The following CPEB3 variants were observed in gnomAD, a reference collection of about 807,000 sequenced individuals.
CPEB3 encodes cytoplasmic polyadenylation element-binding protein 3.
Under a neutral mutation model 67.2 loss-of-function variants are expected in CPEB3, and 20 were observed. That is an observed-to-expected ratio of 0.30 (90% CI 0.21 to 0.43). CPEB3 has a LOEUF of 0.43. Among genes scored for constraint, CPEB3 ranks in the 20% least tolerant of loss-of-function variants. The probability of loss-of-function intolerance (pLI) is 1.00; values close to 1 mark genes in which losing one functional copy is unlikely to be tolerated. For missense variants in CPEB3, 746 were observed against 968.6 expected (o/e 0.77, Z 3.05); for synonymous variants, 376 against 393.1 (o/e 0.96, Z 0.51).
At chr10:92,070,737 A>G (rs1842719289) in intron 9 of CPEB3, among the ~76,000 whole-genome samples, 1 of 152,066 alleles carries the variant, frequency 6.6e-6, no homozygotes. Context: ...AGATTGTGCC[A>G]CTGTACTCCA....
In CPEB3 at chr10:92,259,319, T is replaced by C. The variant is rs1176885543; in HGVS notation, c.-11-18958A>G. Among the ~76,000 whole-genome samples the C allele has an allele frequency of 6.0e-5, 9 of 150,226 alleles. No individual in the cohort carries two copies. In the East Asian group the frequency reaches 1.9e-3, roughly 31 times the overall value. On this transcript the variant is annotated intron_variant, in intron 1 of 9. Transcript: ENST00000265997. ...CCCTACCTCCTAACAATATCATCTA[T>C]GGCCGGGTGCGATGGCTCATGCCTG...
At chr10:92,098,805 T>C in intron 7 of CPEB3, among the ~76,000 whole-genome samples, 1 of 145,372 alleles carries the variant, frequency 6.9e-6, no homozygotes. Context: ...GGAGTCTGGC[T>C]CTGTCAAGCA....
chr10:92,182,661 A>G (rs986662509), intron 3 of CPEB3, among the ~76,000 whole-genome samples: 1 of 152,088 alleles, frequency 6.6e-6, no homozygotes, highest in Non-Finnish European at 1.5e-5. Context: ...CCCCATCTCT[A>G]CTAAAAATAC....
In CPEB3 at chr10:92,239,826, C is replaced by A. The variant is rs1027812744; in HGVS notation, c.525G>T (p.Pro175=). 8 of 1,471,474 alleles carry A rather than the reference C, an allele frequency of 5.4e-6. No individual in the cohort carries two copies. Among genetic ancestry groups the A allele is most frequent in the Non-Finnish European group, 7.2e-6 (8 of 1,112,006 alleles). 91.2% of individuals were successfully genotyped at this position (1,471,474 alleles called of 1,614,324 possible). A position where few individuals can be genotyped will look rare whatever the true frequency, so the allele number is the denominator to read the frequency against. Residue 175 remains proline (P), a synonymous_variant, in exon 2 of 10, where the codon CCG becomes CCT. Coordinates refer to ENST00000265997, the MANE Select transcript of CPEB3 (RefSeq NM_014912.5). This position sits in a 1 kb window ranked among gnomAD's most constrained non-coding sequence, Gnocchi z 6.0. ...CCTGTGGTGGCTGCGCTGGCTGTGC[C>A]GGCTGCGGCGCGGGCGCAGGCGGCG... ...QPPPPAPAPQ[P]AQPAQPPQAQ... is the part of the protein sequence containing the mutation.
intron 7 of CPEB3, among the ~76,000 whole-genome samples, chr10:92,094,418 T>C (rs1420510883): frequency 2.6e-5 from 4 of 151,994 alleles, no homozygotes; most frequent in Middle Eastern, 3.4e-3. Context: ...CTGGCTAACA[T>C]GGTGAAACCC....
intron 6 of CPEB3, among the ~76,000 whole-genome samples, chr10:92,121,365 T>C (rs1380376113): frequency 6.9e-6 from 1 of 145,882 alleles, no homozygotes; most frequent in Non-Finnish European, 1.5e-5. Flanking sequence ...ATATATAAAA[T>C]ATATTTTATA....
intron 2 of CPEB3, among the ~76,000 whole-genome samples, chr10:92,238,979 A>C (rs1482045167): frequency 2.6e-5 from 4 of 152,178 alleles, no homozygotes; most frequent in Non-Finnish European, 5.9e-5. Flanking sequence ...AGCTACTCAA[A>C]ATGATAGGAA....
chr10:92,173,328 G>T (rs1422171220), intron 4 of CPEB3, among the ~76,000 whole-genome samples: 1 of 151,986 alleles, frequency 6.6e-6, no homozygotes, highest in Non-Finnish European at 1.5e-5. Flanking sequence ...TGTCACTTTA[G>T]ACACATTCAC....
At chr10:92,235,796 T>C (rs1020570440) in intron 2 of CPEB3, among the ~76,000 whole-genome samples, 2 of 152,230 alleles carry the variant, frequency 1.3e-5, no homozygotes, top group African/African-American at 4.8e-5. Flanking sequence ...CCTCACATGT[T>C]GGGACTTTGA....
At chr10:92,196,682 C>T (rs1450807073) in intron 2 of CPEB3, among the ~76,000 whole-genome samples, 9 of 151,784 alleles carry the variant, frequency 5.9e-5, no homozygotes, top group Non-Finnish European at 4.4e-5. Context: ...GCAGGAGAAT[C>T]GCTTGAACTG....
chr10:92,054,717 C>T (rs1842048799), intron 9 of CPEB3, among the ~76,000 whole-genome samples: 1 of 152,180 alleles, frequency 6.6e-6, no homozygotes, highest in Non-Finnish European at 1.5e-5. Context: ...GCTGGGATTA[C>T]AGGAGTGAGC....
chr10:92,057,862 G>C (rs1474437011), intron 9 of CPEB3, among the ~76,000 whole-genome samples: 3 of 152,198 alleles, frequency 2.0e-5, no homozygotes, highest in Non-Finnish European at 4.4e-5. Flanking sequence ...ACGTCTATGA[G>C]TCTGCAGGAA....
chr10:92,142,205 A>C (rs1195994939), intron 6 of CPEB3, among the ~76,000 whole-genome samples: 3 of 152,150 alleles, frequency 2.0e-5, no homozygotes, highest in Non-Finnish European at 4.4e-5. Context: ...AATTTGATTC[A>C]TTTATGAGGC....
intron 1 of CPEB3, among the ~76,000 whole-genome samples, chr10:92,287,297 A>G (rs1201561687): frequency 6.6e-6 from 1 of 152,090 alleles, no homozygotes; most frequent in East Asian, 1.9e-4. Flanking sequence ...ATAGATTTTC[A>G]ACCCTACATA....
chr10:92,124,265 T>C (rs1845516737), intron 6 of CPEB3, among the ~76,000 whole-genome samples: 1 of 152,246 alleles, frequency 6.6e-6, no homozygotes, highest in Admixed American at 6.5e-5. Context: ...GTGGACTATA[T>C]ATTCCTAATG....
intron 7 of CPEB3, among the ~76,000 whole-genome samples, chr10:92,098,536 G>A (rs1844006654): frequency 6.6e-6 from 1 of 151,938 alleles, no homozygotes; most frequent in Non-Finnish European, 1.5e-5. Context: ...CTCAAAATCA[G>A]GTGATTCAAC....
intron 2 of CPEB3, among the ~76,000 whole-genome samples, chr10:92,231,589 T>C (rs1402061051): frequency 6.6e-6 from 1 of 152,184 alleles, no homozygotes; most frequent in Non-Finnish European, 1.5e-5. Context: ...ACCTCATCAC[T>C]AGTGACAGAG....
intron 3 of CPEB3, among the ~76,000 whole-genome samples, chr10:92,191,604 G>A (rs1340588608): frequency 1.3e-5 from 2 of 152,038 alleles, no homozygotes; most frequent in African/African-American, 4.8e-5. Context: ...TATAATATGG[G>A]CCTAGAGAGA....
chr10:92,221,899 C>T (rs1850718182), intron 2 of CPEB3, among the ~76,000 whole-genome samples: 1 of 152,148 alleles, frequency 6.6e-6, no homozygotes, highest in Non-Finnish European at 1.5e-5. Flanking sequence ...CAGAAAGAGG[C>T]ACCATTCATG....
Sources: gnomAD v4.1 joint callset for allele counts (sites outside exome capture counted in the v4.1 genomes callset) on GRCh38, gnomAD v4.1.1 for gene constraint, Gnocchi (gnomAD v3.1) non-coding constraint, MANE v1.5 for transcripts, NCBI Gene and HGNC (gene_info 2026-07-23, HGNC 2026-07-21) for gene names.